EDN2: variants seen among roughly 807,000 people sequenced by gnomAD.
EDN2 encodes the protein endothelin-2.
In EDN2, 10 loss-of-function variants were observed where a neutral mutation model predicts 19.9. That is an observed-to-expected ratio of 0.50 (90% CI 0.31 to 0.85). EDN2 has a LOEUF of 0.85. EDN2 is among the 40% of genes least tolerant of loss of function. The pLI is 0.05. For missense variants in EDN2, 222 were observed against 239.3 expected, an observed-to-expected ratio of 0.93 and a Z score of 0.48; for synonymous variants, 84 against 94.9, an observed-to-expected ratio of 0.89 and a Z score of 0.67.
chr1:41,479,361 C>A lies in EDN2; in HGVS notation c.*48G>T, dbSNP rs770801048. 1 of 1,509,376 alleles carries A rather than the reference C, an allele frequency of 6.6e-7. No individual in the cohort carries two copies. Among genetic ancestry groups the A allele is most frequent in the South Asian group, 1.1e-5 (1 of 88,478 alleles). 93.5% of individuals were successfully genotyped at this position (1,509,376 alleles called of 1,614,324 possible). ...CACAAGCCCTGGCCACTTCTCTCCT[C>A]CTCTCTCCCCGCGGGCTTCCTTCCC... On this transcript the variant is annotated 3_prime_UTR_variant, in exon 5 of 5. Coordinates refer to ENST00000372587, the MANE Select transcript of EDN2 (RefSeq NM_001956.5).
At chr1:41,484,483 CAG>C (rs2149039188) in intron 1 of EDN2, 53 bp downstream of exon 1, 1 of 1,546,150 alleles carries the variant, frequency 6.5e-7, no homozygotes, top group Non-Finnish European at 8.7e-7. Context: ...TAGAGGGAGA[CAG>C]AGATAGGCAG....
Position 41,482,543 on chromosome 1 carries a change from G to A in EDN2, c.267C>T (p.Arg89=). 2.5e-6 allele frequency: 4 copies of A among 1,588,438 alleles called. No individual in the cohort carries two copies. Among genetic ancestry groups the A allele is most frequent in the Non-Finnish European group, 3.4e-6 (4 of 1,169,708 alleles). Residue 89 remains arginine, a synonymous_variant, in exon 3 of 5, where the codon CGC becomes CGT. Transcript: ENST00000372587. ...YGLGNPPRRR[R]RSLPRRCQCS... ...ACTGACAGCGCCTTGGCAGGGAGCG[G>A]CGCCGGCGTCTTGGCGGGTTTCCCA...
chr1:41,480,273 C>T (rs1644236262), intron 4 of EDN2, among the ~76,000 whole-genome samples: 2 of 152,198 alleles, frequency 1.3e-5, no homozygotes, highest in Admixed American at 6.5e-5. Flanking sequence ...TTTTCTGCCG[C>T]CCCCAAAAGG....
chr1:41,483,941 C>A, intron 2 of EDN2, 106 bp downstream of exon 2: 1 of 1,235,388 alleles, frequency 8.1e-7, no homozygotes, highest in Non-Finnish European at 1.1e-6. Flanking sequence ...CATCTGGAGG[C>A]CCAGGGAGAG....
chr1:41,478,902 A>G lies in EDN2; in HGVS notation c.*507T>C, dbSNP rs1644222255. On this transcript the variant is annotated 3_prime_UTR_variant, in exon 5 of 5. Coordinates refer to ENST00000372587, the MANE Select transcript of EDN2 (RefSeq NM_001956.5). ...TAAGTTATATACAGACAGGAAAAGCAGAGCAGGCCCTTCTCACTGGGAGGG... is the reference window on the plus strand; with the variant it reads ...TAAGTTATATACAGACAGGAAAAGCGGAGCAGGCCCTTCTCACTGGGAGGG... The G allele has an allele frequency of 4.2e-6, 1 of 239,014 alleles. No individual in the cohort carries two copies. The highest frequency in any genetic ancestry group is 8.4e-6 in the Non-Finnish European group (1 of 119,562). 14.8% of individuals were successfully genotyped at this position (239,014 alleles called of 1,614,324 possible). A position where few individuals can be genotyped will look rare whatever the true frequency, so the allele number is the denominator to read the frequency against.
chr1:41,479,438 A>T lies in EDN2; in HGVS notation c.508T>A (p.Ser170Thr). The T allele has an allele frequency of 1.2e-6, 2 of 1,614,152 alleles. No homozygotes were observed. Among genetic ancestry groups the T allele is most frequent in the Non-Finnish European group, 1.7e-6 (2 of 1,180,014 alleles). ...CTCTTCCTCCACCTGGAATGTGTGG[A>T]CCGAGGCTCCCGCATGGCCTCCTGT... is the stretch of plus-strand genomic sequence containing the variant. Reference protein sequence around the residue: ...RQQEAMREPRSTHSRWRKR With the variant: ...RQQEAMREPRTTHSRWRKR The change falls in exon 5 of 5, where the codon TCC becomes ACC. Residue 170 changes from serine (S) to threonine (T), a missense_variant. Ser to Thr is a moderately conservative substitution (Grantham distance 58, BLOSUM62 1). Coordinates refer to ENST00000372587, the MANE Select transcript of EDN2 (RefSeq NM_001956.5).
rs763319214 is a variant in EDN2 at position 41,484,535 on chromosome 1, C to T, written c.64+3G>A. The T allele has an allele frequency of 6.4e-7, 1 of 1,553,690 alleles. No individual in the cohort carries two copies. The highest frequency in any genetic ancestry group is 1.2e-5 in the South Asian group (1 of 84,140). ...GGCAGCAGGTGAGGCCAGGGCAGCT[C>T]ACCTTCATGCAGGGCCACGAGCAGG... On this transcript the variant is annotated splice_donor_region_variant and intron_variant, in intron 1 of 4. Transcript: ENST00000372587.
chr1:41,480,459 A>G (rs936753720), intron 4 of EDN2, among the ~76,000 whole-genome samples: 3 of 152,176 alleles, frequency 2.0e-5, no homozygotes, highest in African/African-American at 7.2e-5. Context: ...GCGGGGATGG[A>G]TGGCACAATT....
chr1:41,484,193 C>G lies in EDN2; in HGVS notation c.75G>C (p.Gln25His). 6.2e-7 allele frequency: 1 copy of G among 1,611,990 alleles called. No homozygotes were observed. Among genetic ancestry groups the G allele is most frequent in the South Asian group, 1.1e-5 (1 of 90,966 alleles). ...LLVALHEGKG[Q>H]AAATLEQPAS... is the part of the protein sequence containing the mutation. ...CTGGCTGCTCCAGGGTGGCAGCAGC[C>G]TGGCCCTTCCCTGCATGCACAGGAG... Residue 25 changes from glutamine (Q) to histidine (H), a missense_variant, in exon 2 of 5, where the codon CAG (glutamine) becomes CAC (histidine). Coordinates refer to ENST00000372587, the MANE Select transcript of EDN2 (RefSeq NM_001956.5).
At chr1:41,481,830 C>T (rs761514018) in intron 3 of EDN2, among the ~76,000 whole-genome samples, 2 of 152,116 alleles carry the variant, frequency 1.3e-5, no homozygotes, top group South Asian at 2.1e-4. Flanking sequence ...TGTGAGCCAC[C>T]GTGCGCGGCC....
At chr1:41,483,313 T>C (rs1569590547) in intron 2 of EDN2, among the ~76,000 whole-genome samples, 2 of 152,340 alleles carry the variant, frequency 1.3e-5, no homozygotes, top group South Asian at 4.1e-4. Context: ...ACTGGCAGGG[T>C]TCCCGCCCTA....
intron 1 of EDN2, 151 bp from the exon 2 acceptor site, chr1:41,484,354 C>G: frequency 7.7e-7 from 1 of 1,305,650 alleles, no homozygotes; most frequent in Non-Finnish European, 1.0e-6. Flanking sequence ...CCAGGGAAGT[C>G]CCAGCAGCCC....
chr1:41,483,907 A>G, intron 2 of EDN2, 140 bp downstream of exon 2: 2 of 874,648 alleles, frequency 2.3e-6, no homozygotes, highest in Non-Finnish European at 3.5e-6. Flanking sequence ...GAAACAATTA[A>G]CTATTGATAT....
Position 41,481,197 on chromosome 1 carries a change from C to T in EDN2, c.345-4G>A, listed in dbSNP as rs11572364. On this transcript the variant is annotated splice_polypyrimidine_tract_variant and splice_region_variant and intron_variant, in intron 3 of 4. Transcript: ENST00000372587. Reference sequence around the variant, plus strand: ...TGGGACTGCCCCGGCTTCAGTCCTACGTGAATAGCATTAGGGCCCAAGTGA... The same window carrying T: ...TGGGACTGCCCCGGCTTCAGTCCTATGTGAATAGCATTAGGGCCCAAGTGA... 2.4e-3 allele frequency: 3,934 copies of T among 1,613,222 alleles called. 91 individuals are homozygous for T. In the African/African-American group the frequency reaches 0.044, roughly 18 times the overall value.
rs754201568 is a variant in EDN2, at chr1:41,484,124, A to C, written c.144T>G (p.Arg48=). Residue 48 remains arginine, a synonymous_variant, in exon 2 of 5, where the codon CGT becomes CGG. Coordinates refer to ENST00000372587, the MANE Select transcript of EDN2 (RefSeq NM_001956.5). ...HAQGTHLRLR[R]CSCSSWLDKE... ...TGTCGAGCCAGGAGCTGCAGGAGCA[A>C]CGGCGAAGCCGAAGGTGGGTGCCTT... 6.8e-6 allele frequency: 11 copies of C among 1,613,664 alleles called. No homozygotes were observed. In the African/African-American group the frequency reaches 1.3e-4, roughly 20 times the overall value.
intron 4 of EDN2, 132 bp from the exon 5 acceptor site, chr1:41,479,634 A>G (rs1196739567): frequency 2.8e-6 from 2 of 721,094 alleles, no homozygotes; most frequent in East Asian, 2.7e-5. Flanking sequence ...GGGGTCAGAC[A>G]GTGACCACAG....
intron 3 of EDN2, among the ~76,000 whole-genome samples, chr1:41,481,684 C>T (rs140446955): frequency 1.7e-3 from 262 of 152,102 alleles, no homozygotes; most frequent in African/African-American, 5.8e-3. Context: ...AGATTACAGG[C>T]GCCCGCCACC....
At chr1:41,484,273 AC>A in intron 1 of EDN2, 70 bp from the exon 2 acceptor site, 1 of 1,551,108 alleles carries the variant, frequency 6.4e-7, no homozygotes, top group South Asian at 1.2e-5. Flanking sequence ...AGAGTGGGGG[AC>A]CCACCATGCC....
In EDN2 at chr1:41,483,802, C is replaced by G. The variant is rs1204086223; in HGVS notation, c.221+245G>C. ...GCTCTCTGAGCCTCAGCACTTGAAT[C>G]TGGAAAACGGGGCCAACACTTGCTT... is the stretch of plus-strand genomic sequence containing the variant. On this transcript the variant is annotated intron_variant, in intron 2 of 4. Transcript: ENST00000372587. The G allele has an allele frequency of 1.1e-5, 5 of 441,580 alleles. No homozygotes were observed. In the East Asian group the frequency reaches 1.6e-4, roughly 14 times the overall value. 27.4% of individuals were successfully genotyped at this position (441,580 alleles called of 1,614,324 possible).
Sources: gnomAD v4.1 joint callset for allele counts (sites outside exome capture counted in the v4.1 genomes callset) on GRCh38, gnomAD v4.1.1 for gene constraint, MANE v1.5 for transcripts, NCBI Gene and HGNC (gene_info 2026-07-23, HGNC 2026-07-21) for gene names.